Variants in PLXNC1 observed in about 807,000 individuals in gnomAD.
PLXNC1 encodes plexin-C1.
A neutral mutation model predicts 178.2 loss-of-function variants in PLXNC1; 75 were observed. That is an observed-to-expected ratio of 0.42 (90% CI 0.35 to 0.51). PLXNC1 has a LOEUF of 0.51. Among genes scored for constraint, PLXNC1 ranks in the 20% least tolerant of loss-of-function variants. The probability of loss-of-function intolerance (pLI) is 0.02; values close to 1 mark genes in which losing one functional copy is unlikely to be tolerated. For missense variants in PLXNC1, 1,503 were observed against 1,984.4 expected, an observed-to-expected ratio of 0.76 and a Z score of 4.61; for synonymous variants, 790 against 779.9, an observed-to-expected ratio of 1.01 and a Z score of -0.22.
At chr12:94,151,085 C>T (rs943342857) in intron 1 of PLXNC1, among the ~76,000 whole-genome samples, 71 of 152,260 alleles carry the variant, frequency 4.7e-4, no homozygotes, top group African/African-American at 1.7e-3. Context: ...TGCTGGGAGC[C>T]TCCTTTATAA....
chr12:94,244,705 A>G (rs1964480866), intron 12 of PLXNC1, among the ~76,000 whole-genome samples: 1 of 152,194 alleles, frequency 6.6e-6, no homozygotes, highest in African/African-American at 2.4e-5. Context: ...ACCAACACTA[A>G]CGATAGCTAA....
At chr12:94,160,074 G>T (rs1961322228) in intron 1 of PLXNC1, among the ~76,000 whole-genome samples, 1 of 152,158 alleles carries the variant, frequency 6.6e-6, no homozygotes, top group Non-Finnish European at 1.5e-5. Context: ...TAAGTAGGGA[G>T]TTGGCAATGA....
intron 21 of PLXNC1, among the ~76,000 whole-genome samples, chr12:94,274,447 G>A (rs1332333675): frequency 3.3e-5 from 5 of 152,168 alleles, no homozygotes; most frequent in African/African-American, 4.8e-5. Flanking sequence ...CCCAACCCAG[G>A]CTGGACCCAC....
chr12:94,184,433 A>AT (rs994701062), intron 3 of PLXNC1, among the ~76,000 whole-genome samples: 47 of 126,400 alleles, frequency 3.7e-4, no homozygotes, highest in African/African-American at 6.4e-4. Context: ...GCCCTCTCTC[A>AT]TTTTTTTTTG....
intron 4 of PLXNC1, among the ~76,000 whole-genome samples, chr12:94,191,840 A>C (rs140649628): frequency 9.9e-5 from 15 of 152,180 alleles, no homozygotes; most frequent in African/African-American, 3.4e-4. Flanking sequence ...GAGCTCTAAA[A>C]AGTCTAGTAT....
At chr12:94,237,913 C>G in intron 10 of PLXNC1, 110 bp downstream of exon 10, 1 of 998,044 alleles carries the variant, frequency 1.0e-6, no homozygotes, top group Non-Finnish European at 1.5e-6. Context: ...TGCCATGCCC[C>G]AAAGCAGGCC....
At chr12:94,254,237 C>T (rs901455094) in intron 15 of PLXNC1, among the ~76,000 whole-genome samples, 3 of 152,164 alleles carry the variant, frequency 2.0e-5, no homozygotes, top group African/African-American at 7.2e-5. Context: ...GGTTTATGGC[C>T]TCTGCAGCAC....
chr12:94,201,178 G>A (rs1305297882), intron 4 of PLXNC1, among the ~76,000 whole-genome samples: 1 of 152,214 alleles, frequency 6.6e-6, no homozygotes, highest in East Asian at 1.9e-4. Context: ...TGGTACTCAA[G>A]GTATGAAAGG....
intron 17 of PLXNC1, among the ~76,000 whole-genome samples, chr12:94,257,917 T>TA (rs139741394): frequency 0.1 from 13,319 of 132,710 alleles, 769 homozygotes; most frequent in Middle Eastern, 0.16. Flanking sequence ...TCAAAAAAAA[T>TA]AATAAATAAA....
At chr12:94,267,613 G>T (rs954059638) in intron 21 of PLXNC1, among the ~76,000 whole-genome samples, 12 of 152,134 alleles carry the variant, frequency 7.9e-5, no homozygotes, top group African/African-American at 2.7e-4. Flanking sequence ...TAGGGGCCTT[G>T]CCTTTAAAAA....
rs1565853116 is a variant in PLXNC1, at chr12:94,279,608, A to G, written c.3734A>G (p.Asn1245Ser). Residue 1245 changes from asparagine (N) to serine (S), a missense_variant, in exon 22 of 31, where the codon AAT becomes AGT. Asn to Ser is a conservative substitution (Grantham distance 46). This residue lies in a region of PLXNC1 where 639 missense variants were observed against 979.7 expected (regional missense o/e 0.65). Transcript: ENST00000258526. ...ATTTTCCAAGCATTCTTAAGCAAAA[A>G]TGGCTCTCCTTATGGACTTCAGCTT... ...EKIFQAFLSK[N>S]GSPYGLQLNE... 1.2e-6 allele frequency: 2 copies of G among 1,614,234 alleles called. No homozygotes were observed. The highest frequency in any genetic ancestry group is 1.3e-5 in the African/African-American group (1 of 75,062).
At position 94,199,110 on chromosome 12, in the gene PLXNC1, G is replaced by T. The variant is rs563657998; in HGVS notation, c.1440-10480G>T. ...CAGGGGGCGCTAAATTTAAACGGGAGCCCTGGAAGGCCTCAGTGAGAAGGG... is the reference window on the plus strand; with the variant it reads ...CAGGGGGCGCTAAATTTAAACGGGATCCCTGGAAGGCCTCAGTGAGAAGGG... On this transcript the variant is annotated intron_variant, in intron 4 of 30. Transcript: ENST00000258526. 5.9e-5 allele frequency among the ~76,000 whole-genome samples: 9 copies of T among 152,336 alleles called. No homozygotes were observed. In the Middle Eastern group the frequency reaches 0.01, roughly 173 times the overall value.
Position 94,248,426 on chromosome 12 carries a change from C to A in PLXNC1, c.2778+14C>A, listed in dbSNP as rs1016286654. 2.1e-5 allele frequency: 34 copies of A among 1,582,494 alleles called. No homozygotes were observed. Among genetic ancestry groups the A allele is most frequent in the Non-Finnish European group, 2.7e-5 (31 of 1,162,618 alleles). On this transcript the variant is annotated intron_variant, in intron 14 of 30. Transcript: ENST00000258526. ...AAGAAAGTTCGGGTAAGTGACCTGGCAGTCCCACCTGCTGTCTTTACCTGA... is the reference window on the plus strand; with the variant it reads ...AAGAAAGTTCGGGTAAGTGACCTGGAAGTCCCACCTGCTGTCTTTACCTGA...
chr12:94,151,314 A>C (rs1960953780), intron 1 of PLXNC1, among the ~76,000 whole-genome samples: 1 of 152,056 alleles, frequency 6.6e-6, no homozygotes, highest in Admixed American at 6.6e-5. Context: ...TAGCCCTATG[A>C]GCCAGGGAGA....
At chr12:94,292,399 T>C (rs1967427869) in intron 23 of PLXNC1, among the ~76,000 whole-genome samples, 2 of 152,218 alleles carry the variant, frequency 1.3e-5, no homozygotes, top group African/African-American at 4.8e-5. Context: ...TTAATGTGAA[T>C]AGTCATTGAG....
intron 4 of PLXNC1, among the ~76,000 whole-genome samples, chr12:94,189,098 T>G (rs1181643402): frequency 6.6e-6 from 1 of 152,230 alleles, no homozygotes; most frequent in African/African-American, 2.4e-5. Context: ...GTGAGAGCTG[T>G]AAGCATGGTT....
At chr12:94,206,970 A>T (rs1963319854) in intron 4 of PLXNC1, among the ~76,000 whole-genome samples, 1 of 152,214 alleles carries the variant, frequency 6.6e-6, no homozygotes, top group Non-Finnish European at 1.5e-5. Flanking sequence ...AGCTTTCAAA[A>T]GGAATTATTT....
At chr12:94,274,889 A>T (rs1047133822) in intron 21 of PLXNC1, among the ~76,000 whole-genome samples, 1 of 152,160 alleles carries the variant, frequency 6.6e-6, no homozygotes, top group Admixed American at 6.5e-5. Context: ...TGTTTCTGAG[A>T]TTTACATATA....
chr12:94,226,802 T>A (rs1963953017), intron 8 of PLXNC1, 95 bp downstream of exon 8: 4 of 860,704 alleles, frequency 4.6e-6, no homozygotes, highest in Non-Finnish European at 7.9e-6. Context: ...GGCGGGTGGA[T>A]CAATTGAGGT....
Sources: gnomAD v4.1 joint callset for allele counts (sites outside exome capture counted in the v4.1 genomes callset) on GRCh38, gnomAD v4.1.1 for gene constraint, gnomAD v4.1.1 regional missense constraint, MANE v1.5 for transcripts, NCBI Gene and HGNC (gene_info 2026-07-23, HGNC 2026-07-21) for gene names.